Variants in KSR2 observed in about 807,000 individuals in gnomAD.
KSR2 encodes the protein kinase suppressor of ras 2.
KSR2 carries 25 observed loss-of-function variants against 107.8 expected under a neutral mutation model. The observed-to-expected ratio is 0.23, with a 90% CI of 0.17 to 0.32. KSR2 has a LOEUF of 0.32. KSR2 is among the 10% of genes least tolerant of loss of function. The pLI, the probability that KSR2 is intolerant of heterozygous loss-of-function variation, is 1.00. For missense variants in KSR2, 887 were observed against 1,268.9 expected, an observed-to-expected ratio of 0.70 and a Z score of 4.57; for synonymous variants, 480 against 507.0, an observed-to-expected ratio of 0.95 and a Z score of 0.71.
intron 1 of KSR2, among the ~76,000 whole-genome samples, chr12:117,966,617 G>GCACACA (rs1353712868): frequency 0.068 from 8,854 of 130,468 alleles, 374 homozygotes; most frequent in Non-Finnish European, 0.097. Context: ...TCTCTCACAC[G>GCACACA]CGCACGCACA....
chr12:117,552,395 A>G (rs1877372053), intron 9 of KSR2, among the ~76,000 whole-genome samples: 1 of 152,222 alleles, frequency 6.6e-6, no homozygotes, highest in African/African-American at 2.4e-5. Flanking sequence ...TTCCCGTTGA[A>G]TCTGAGCAGG....
At chr12:117,944,905 A>T (rs993992086) in intron 1 of KSR2, among the ~76,000 whole-genome samples, 1 of 152,056 alleles carries the variant, frequency 6.6e-6, no homozygotes, top group Non-Finnish European at 1.5e-5. Context: ...CTAAAAAAAT[A>T]AAATCTGGAG....
intron 5 of KSR2, among the ~76,000 whole-genome samples, chr12:117,662,486 T>C (rs926577506): frequency 7.2e-5 from 11 of 152,264 alleles, no homozygotes; most frequent in African/African-American, 2.2e-4. Context: ...AGCCTCAAGG[T>C]ACACGCAAGG....
chr12:117,929,438 G>T (rs1329433967), intron 1 of KSR2, among the ~76,000 whole-genome samples: 2 of 152,102 alleles, frequency 1.3e-5, no homozygotes, highest in East Asian at 1.9e-4. Context: ...GTGAGACGTG[G>T]CTTTCACCTT....
chr12:117,909,570 TAA>T (rs1408575835), intron 1 of KSR2, among the ~76,000 whole-genome samples: 1 of 152,144 alleles, frequency 6.6e-6, no homozygotes. Context: ...CATAGCACAT[TAA>T]GTCATATCTT....
At chr12:117,519,524 A>G (rs573794257) in intron 14 of KSR2, among the ~76,000 whole-genome samples, 2 of 152,278 alleles carry the variant, frequency 1.3e-5, no homozygotes, top group East Asian at 3.9e-4. Context: ...ACAGATTTAC[A>G]TAATTTTAGA....
chr12:117,586,135 T>C lies in KSR2; in HGVS notation c.1172-3776A>G, dbSNP rs1879975296. On this transcript the variant is annotated intron_variant, in intron 5 of 19. Coordinates refer to ENST00000339824, the MANE Select transcript of KSR2 (RefSeq NM_173598.6). ...AAGCATCCACACCACACACAGCTTC[T>C]TGATGAAAAATCAGGCTCTGACCTG... Among the ~76,000 whole-genome samples the C allele has an allele frequency of 2.0e-5, 3 of 152,220 alleles. 1 individual carries two copies.
At chr12:117,789,168 A>G (rs142762886) in intron 3 of KSR2, among the ~76,000 whole-genome samples, 11 of 152,314 alleles carry the variant, frequency 7.2e-5, no homozygotes, top group African/African-American at 2.2e-4. Context: ...CTCACTGCAA[A>G]TTAGTCTCCA....
At chr12:117,736,100 T>A (rs949765614) in intron 4 of KSR2, among the ~76,000 whole-genome samples, 1 of 152,170 alleles carries the variant, frequency 6.6e-6, no homozygotes, top group Non-Finnish European at 1.5e-5. Context: ...TTGACCATAG[T>A]TGAATCAAGT....
At chr12:117,528,758 A>G (rs910511616) in intron 12 of KSR2, among the ~76,000 whole-genome samples, 5 of 152,100 alleles carry the variant, frequency 3.3e-5, no homozygotes, top group African/African-American at 9.7e-5. Flanking sequence ...CATGCCCAAA[A>G]CCAAAACAGG....
At chr12:117,586,777 T>C (rs1313205210) in intron 5 of KSR2, among the ~76,000 whole-genome samples, 1 of 152,054 alleles carries the variant, frequency 6.6e-6, no homozygotes, top group Non-Finnish European at 1.5e-5. Flanking sequence ...TACACACACA[T>C]AGCGTATCAG....
At chr12:117,760,677 T>C (rs954182982) in intron 4 of KSR2, among the ~76,000 whole-genome samples, 2 of 152,250 alleles carry the variant, frequency 1.3e-5, no homozygotes. Flanking sequence ...CTATTCTCAC[T>C]CTGCCATTGT....
intron 1 of KSR2, among the ~76,000 whole-genome samples, chr12:117,952,782 G>A (rs1479046417): frequency 1.3e-5 from 2 of 150,930 alleles, no homozygotes; most frequent in Non-Finnish European, 1.5e-5. Context: ...TCAAGAGTTC[G>A]AGACCAGCCT....
intron 1 of KSR2, among the ~76,000 whole-genome samples, chr12:117,879,010 G>A (rs1401004644): frequency 6.6e-6 from 1 of 152,056 alleles, no homozygotes; most frequent in South Asian, 2.1e-4. Flanking sequence ...CACGCCCACC[G>A]AAATCACTGG....
intron 14 of KSR2, among the ~76,000 whole-genome samples, chr12:117,505,396 C>T (rs902011039): frequency 2.0e-5 from 3 of 152,186 alleles, no homozygotes; most frequent in Non-Finnish European, 4.4e-5. Context: ...AAAACCCAAA[C>T]GTTTTGTTTT....
Position 117,931,485 on chromosome 12 carries a change from G to A in KSR2, c.180+36591C>T, listed in dbSNP as rs143782944. ...AGAGGTCGTGCCCGCCTGGATGTGG[G>A]GCACAATCTTGAGTCAAGACTGCCA... is the stretch of plus-strand genomic sequence containing the variant. On this transcript the variant is annotated intron_variant, in intron 1 of 19. Coordinates refer to ENST00000339824, the MANE Select transcript of KSR2 (RefSeq NM_173598.6). Among the ~76,000 whole-genome samples the A allele has an allele frequency of 4.3e-3, 659 of 152,222 alleles. 5 individuals are homozygous for A. The highest frequency in any genetic ancestry group is 0.015 in the African/African-American group (627 of 41,554).
chr12:117,823,559 G>T (rs1457007036), intron 3 of KSR2, among the ~76,000 whole-genome samples: 1 of 152,196 alleles, frequency 6.6e-6, no homozygotes, highest in Non-Finnish European at 1.5e-5. Flanking sequence ...AAGGGCAACT[G>T]CAGGGAAAAG....
intron 4 of KSR2, among the ~76,000 whole-genome samples, chr12:117,687,691 TG>T (rs748897322): frequency 1.3e-5 from 2 of 152,192 alleles, no homozygotes; most frequent in African/African-American, 2.4e-5. Flanking sequence ...TCTCCTACTC[TG>T]TGCACAACCT....
At chr12:117,919,115 G>C (rs1233489214) in intron 1 of KSR2, among the ~76,000 whole-genome samples, 1 of 152,192 alleles carries the variant, frequency 6.6e-6, no homozygotes, top group African/African-American at 2.4e-5. Flanking sequence ...TCCGGCCTCA[G>C]CCACACAGCA....
Sources: allele counts gnomAD v4.1 joint callset (sites outside exome capture counted in the v4.1 genomes callset), GRCh38; gene constraint gnomAD v4.1.1; transcripts MANE v1.5; gene names NCBI Gene and HGNC (gene_info 2026-07-23, HGNC 2026-07-21).